VAV2: variants seen among roughly 807,000 people sequenced by gnomAD.
The protein encoded by VAV2 is vav guanine nucleotide exchange factor 2.
VAV2 carries 67 observed loss-of-function variants against 132.5 expected under a neutral mutation model. That is an observed-to-expected ratio of 0.51 (90% CI 0.42 to 0.62). VAV2 has a LOEUF of 0.62. Ranked by LOEUF, VAV2 falls within the 20% of genes least tolerant of loss-of-function variation. The pLI is 0.00. For missense variants in VAV2, 938 were observed against 1,153.6 expected (o/e 0.81, Z 2.71); for synonymous variants, 492 against 443.5 (o/e 1.11, Z -1.37).
chr9:133,909,073 G>A (rs893336998), intron 2 of VAV2, among the ~76,000 whole-genome samples: 2 of 152,250 alleles, frequency 1.3e-5, no homozygotes, highest in African/African-American at 4.8e-5. Context: ...CTGCAAAGTA[G>A]GGACCCAACT....
chr9:133,864,586 C>T (rs925718712), intron 2 of VAV2, among the ~76,000 whole-genome samples: 12 of 152,226 alleles, frequency 7.9e-5, no homozygotes, highest in African/African-American at 1.7e-4. Context: ...CTTTTAAAGG[C>T]GGCACTTTAA....
chr9:133,844,340 G>A (rs776699616), intron 3 of VAV2, among the ~76,000 whole-genome samples: 12 of 152,280 alleles, frequency 7.9e-5, no homozygotes, highest in East Asian at 1.9e-4. Flanking sequence ...CAGAGCCCCC[G>A]AAGCTACTCT....
rs1229280271 is a variant in VAV2 at position 133,885,780 on chromosome 9, C to T, written c.322-24348G>A. On this transcript the variant is annotated intron_variant, in intron 2 of 29. Coordinates refer to ENST00000371850, the MANE Select transcript of VAV2 (RefSeq NM_001134398.2). This position sits in a 1 kb window ranked among gnomAD's most constrained non-coding sequence, Gnocchi z 5.0. Reference sequence around the variant, plus strand: ...TCTCCCTGACCTCGCAAACCCACCACGGTGCCGGCACAAACCCTTCACAAA... The same window carrying T: ...TCTCCCTGACCTCGCAAACCCACCATGGTGCCGGCACAAACCCTTCACAAA... Among the ~76,000 whole-genome samples, 11 of 152,192 alleles carry T rather than the reference C, an allele frequency of 7.2e-5. No individual in the cohort carries two copies. The highest frequency in any genetic ancestry group is 1.9e-4 in the East Asian group (1 of 5,180).
intron 2 of VAV2, among the ~76,000 whole-genome samples, chr9:133,932,981 G>A (rs1840739265): frequency 6.6e-6 from 1 of 151,062 alleles, no homozygotes; most frequent in South Asian, 2.1e-4. Context: ...CTGTCCCAAA[G>A]GGAAGGCAGA....
rs762431974 is a variant in VAV2, at chr9:133,826,001, C to T, written c.449+8271G>A. Among the ~76,000 whole-genome samples the T allele has an allele frequency of 1.3e-5, 2 of 152,226 alleles. No individual in the cohort carries two copies. Among genetic ancestry groups the T allele is most frequent in the African/African-American group, 2.4e-5 (1 of 41,452 alleles). ...GCAATAAAGCATGCAGCTCTACATT[C>T]GCGGATACATTACATTCCCTGCCGT... On this transcript the variant is annotated intron_variant, in intron 4 of 29. Transcript: ENST00000371850. This position sits in a 1 kb window ranked among gnomAD's most constrained non-coding sequence, Gnocchi z 4.2.
intron 3 of VAV2, among the ~76,000 whole-genome samples, chr9:133,843,972 C>A (rs918742903): frequency 3.3e-5 from 5 of 152,172 alleles, no homozygotes; most frequent in African/African-American, 1.2e-4. Context: ...GTGTGGCCAG[C>A]TCCAAGGCCA....
Position 133,806,196 on chromosome 9 carries a change from A to AC in VAV2, c.736-16_736-15insG. 1 of 1,607,626 alleles carries AC rather than the reference A, an allele frequency of 6.2e-7. No individual in the cohort carries two copies. The highest frequency in any genetic ancestry group is 8.5e-7 in the Non-Finnish European group (1 of 1,177,720). ...TTGATCAGGTCCTGGGTTGAAAACC[A>AC]GCCGTGAGTGCCTGGCCAGGCCCAC... On this transcript the variant is annotated splice_polypyrimidine_tract_variant and intron_variant, in intron 8 of 29. Transcript: ENST00000371850.
At chr9:133,937,451 GTGTC>G (rs942460428) in intron 2 of VAV2, among the ~76,000 whole-genome samples, 23 of 144,962 alleles carry the variant, frequency 1.6e-4, no homozygotes, top group Non-Finnish European at 3.3e-4. Context: ...TGAGCTGTGT[GTGTC>G]TGAGTGTGAG....
At chr9:133,810,459 C>T (rs1444638408) in intron 5 of VAV2, among the ~76,000 whole-genome samples, 2 of 152,246 alleles carry the variant, frequency 1.3e-5, no homozygotes, top group African/African-American at 4.8e-5. Flanking sequence ...GGGGAAGTCA[C>T]CATCTCTATT....
chr9:133,764,725 G>A (rs1051100579), intron 29 of VAV2, among the ~76,000 whole-genome samples: 1 of 152,084 alleles, frequency 6.6e-6, no homozygotes, highest in African/African-American at 2.4e-5. Context: ...AGAGAAAAAA[G>A]GATGAAAAAC....
intron 3 of VAV2, among the ~76,000 whole-genome samples, chr9:133,848,279 C>CAAAAAAAAAAAAAAAAAA (rs34908811): frequency 2.7e-4 from 13 of 48,626 alleles, no homozygotes; most frequent in South Asian, 8.4e-4. Flanking sequence ...GACTCCGTCT[C>CAAAAAAAAAAAAAAAAAA]AAAAAAAAAA....
rs1439732238 is a variant in VAV2, at chr9:133,834,328, T to C, written c.393A>G (p.Ser131=). 6.2e-7 allele frequency: 1 copy of C among 1,612,476 alleles called. No individual in the cohort carries two copies. The highest frequency in any genetic ancestry group is 8.5e-7 in the Non-Finnish European group (1 of 1,179,446). ...AQNKGIRPFP[S]EETTENDDDV... Reference sequence around the variant, plus strand: ...CATCGTCATTCTCTGTGGTCTCCTCTGAGGGAAAAGGCCTGCGGAAGAGAA... The same window carrying C: ...CATCGTCATTCTCTGTGGTCTCCTCCGAGGGAAAAGGCCTGCGGAAGAGAA... The change falls in exon 4 of 30, where the codon TCA becomes TCG. Residue 131 remains serine, a synonymous_variant. Transcript: ENST00000371850. The surrounding 1 kb of genome is among the most constrained non-coding windows in gnomAD (Gnocchi z 5.9).
intron 2 of VAV2, among the ~76,000 whole-genome samples, chr9:133,892,774 C>T (rs1010176222): frequency 2.6e-5 from 4 of 152,066 alleles, no homozygotes; most frequent in Admixed American, 2.6e-4. Context: ...AGAGGAGGGG[C>T]GAATCCGGGC....
Position 133,869,588 on chromosome 9 carries a change from C to T in VAV2, c.322-8156G>A, listed in dbSNP as rs1017016174. On this transcript the variant is annotated intron_variant, in intron 2 of 29. Transcript: ENST00000371850. ...TCATGCCACTGCACTCCAGCCTGGG[C>T]GACACAGTGAAACCCTATCTCAAAA... Among the ~76,000 whole-genome samples the T allele has an allele frequency of 6.6e-5, 10 of 152,086 alleles. No homozygotes were observed. In the East Asian group the frequency reaches 1.2e-3, roughly 18 times the overall value.
intron 2 of VAV2, among the ~76,000 whole-genome samples, chr9:133,901,110 G>C (rs1388804722): frequency 7.1e-6 from 1 of 140,686 alleles, no homozygotes; most frequent in Admixed American, 6.9e-5. Context: ...TCTCCTGTCT[G>C]ATTTTCCAGT....
At position 133,824,641 on chromosome 9, in the gene VAV2, G is replaced by A. The variant is rs1835914958; in HGVS notation, c.449+9631C>T. ...GCTGCCTGGACAGCACATGTGGGAG[G>A]TAGAGGAACCTCGAGTGAGAAGTGC... On this transcript the variant is annotated intron_variant, in intron 4 of 29. Coordinates refer to ENST00000371850, the MANE Select transcript of VAV2 (RefSeq NM_001134398.2). The surrounding 1 kb of genome is among the most constrained non-coding windows in gnomAD (Gnocchi z 5.2). Among the ~76,000 whole-genome samples the A allele has an allele frequency of 6.6e-6, 1 of 152,150 alleles. No individual in the cohort carries two copies. The highest frequency in any genetic ancestry group is 1.5e-5 in the Non-Finnish European group (1 of 68,016).
rs189959102 is a variant in VAV2, at chr9:133,857,996, G to A, written c.380+3378C>T. ...TTTGGCCTGCAAACACCTCCCCTTC[G>A]TCTCTCATGTCTGCCTATCCTGTGT... is the stretch of plus-strand genomic sequence containing the variant. On this transcript the variant is annotated intron_variant, in intron 3 of 29. Coordinates refer to ENST00000371850, the MANE Select transcript of VAV2 (RefSeq NM_001134398.2). The surrounding 1 kb of genome is among the most constrained non-coding windows in gnomAD (Gnocchi z 4.0). Among the ~76,000 whole-genome samples the A allele has an allele frequency of 6.6e-6, 1 of 152,274 alleles. No homozygotes were observed. Among genetic ancestry groups the A allele is most frequent in the East Asian group, 1.9e-4 (1 of 5,186 alleles).
At chr9:133,949,465 C>T (rs1280665281) in intron 1 of VAV2, among the ~76,000 whole-genome samples, 1 of 152,222 alleles carries the variant, frequency 6.6e-6, no homozygotes, top group Non-Finnish European at 1.5e-5. Flanking sequence ...TTCCAGTGGC[C>T]TGAACACTGT....
chr9:133,853,625 C>G (rs142334209), intron 3 of VAV2, among the ~76,000 whole-genome samples: 3 of 152,098 alleles, frequency 2.0e-5, no homozygotes, highest in Non-Finnish European at 4.4e-5. Context: ...ATGCCGCCCC[C>G]CTTTGCTGCA....
Sources: gnomAD v4.1 joint callset for allele counts (sites outside exome capture counted in the v4.1 genomes callset) on GRCh38, gnomAD v4.1.1 for gene constraint, Gnocchi (gnomAD v3.1) non-coding constraint, MANE v1.5 for transcripts, NCBI Gene and HGNC (gene_info 2026-07-23, HGNC 2026-07-21) for gene names.